GNAO1: variants seen among roughly 807,000 people sequenced by gnomAD.
GNAO1 encodes guanine nucleotide-binding protein G(o) subunit alpha.
For missense variants in GNAO1, 166 were observed against 478.7 expected, an observed-to-expected ratio of 0.35 and a Z score of 6.10; for synonymous variants, 164 against 180.7, an observed-to-expected ratio of 0.91 and a Z score of 0.74.
chr16:56,337,162 G>A (rs1321086987), intron 6 of GNAO1, among the ~76,000 whole-genome samples: 2 of 152,262 alleles, frequency 1.3e-5, no homozygotes, highest in Non-Finnish European at 2.9e-5. Context: ...TCAGGCCATA[G>A]CAAATTTAAG....
chr16:56,319,524 G>A (rs760312660), intron 3 of GNAO1, among the ~76,000 whole-genome samples: 5 of 152,132 alleles, frequency 3.3e-5, no homozygotes, highest in Admixed American at 6.5e-5. Flanking sequence ...CTGGCTGACT[G>A]GAGAGAGCTT....
chr16:56,267,884 A>G (rs2036972894), intron 2 of GNAO1, among the ~76,000 whole-genome samples: 1 of 150,974 alleles, frequency 6.6e-6, no homozygotes, highest in Non-Finnish European at 1.5e-5. Flanking sequence ...TACAGAATAT[A>G]CCCCTGCCCC....
chr16:56,200,634 C>T (rs2036274678), intron 2 of GNAO1, among the ~76,000 whole-genome samples: 1 of 152,224 alleles, frequency 6.6e-6, no homozygotes, highest in Non-Finnish European at 1.5e-5. Context: ...TGTAACTCCA[C>T]ACCTTTCTTA....
intron 3 of GNAO1, among the ~76,000 whole-genome samples, chr16:56,298,480 A>G (rs776980537): frequency 6.6e-6 from 1 of 152,312 alleles, no homozygotes; most frequent in Admixed American, 6.5e-5. Flanking sequence ...ACACTCCGTC[A>G]TTTCTGTGTT....
At chr16:56,290,969 T>C (rs1452617917) in intron 3 of GNAO1, among the ~76,000 whole-genome samples, 1 of 152,250 alleles carries the variant, frequency 6.6e-6, no homozygotes, top group Non-Finnish European at 1.5e-5. Context: ...TGTAGCTGAA[T>C]CACATTTCAT....
rs2037924036 is a variant in GNAO1 at position 56,351,795 on chromosome 16, C to T, written c.877+258C>T. ...CAAGTGACTCAGGAGTGGTGGGGAG[C>T]AGGGGGCAGGACAGGATCACAGGCT... On this transcript the variant is annotated intron_variant, in intron 7 of 8. Coordinates refer to ENST00000262493, the MANE Select transcript of GNAO1 (RefSeq NM_020988.3). This position sits in a 1 kb window ranked among gnomAD's most constrained non-coding sequence, Gnocchi z 6.1. The T allele has an allele frequency of 2.2e-6, 1 of 446,760 alleles. No homozygotes were observed. The allele number at this position is 446,760 out of a possible 1,614,324, so 27.7% of individuals were successfully genotyped here. A position where few individuals can be genotyped will look rare whatever the true frequency, so the allele number is the denominator to read the frequency against.
At chr16:56,331,232 C>T (rs2037685325) in intron 4 of GNAO1, among the ~76,000 whole-genome samples, 2 of 152,162 alleles carry the variant, frequency 1.3e-5, no homozygotes, top group African/African-American at 4.8e-5. Flanking sequence ...CTTGGTGCAC[C>T]CCGGCCTCTG....
At chr16:56,281,324 T>C (rs1287056082) in intron 3 of GNAO1, among the ~76,000 whole-genome samples, 1 of 152,174 alleles carries the variant, frequency 6.6e-6, no homozygotes, top group Non-Finnish European at 1.5e-5. Context: ...CTCCCCCTGC[T>C]GTTCTCAAAC....
intron 4 of GNAO1, among the ~76,000 whole-genome samples, chr16:56,334,303 G>T (rs569110121): frequency 3.9e-5 from 6 of 152,320 alleles, no homozygotes; most frequent in Non-Finnish European, 8.8e-5. Context: ...CCTCAGGCAA[G>T]GTACTTACCT....
At chr16:56,243,655 A>AG (rs1490397581) in intron 2 of GNAO1, among the ~76,000 whole-genome samples, 1 of 151,898 alleles carries the variant, frequency 6.6e-6, no homozygotes, top group Non-Finnish European at 1.5e-5. Flanking sequence ...CCAGGAGGGT[A>AG]GGGGGTGACA....
At chr16:56,286,062 G>C (rs2037163665) in intron 3 of GNAO1, among the ~76,000 whole-genome samples, 1 of 152,236 alleles carries the variant, frequency 6.6e-6, no homozygotes, top group Admixed American at 6.5e-5. Context: ...GGGGAAGGCT[G>C]TGTGGGGTGG....
At chr16:56,295,541 A>G (rs1378006766) in intron 3 of GNAO1, among the ~76,000 whole-genome samples, 2 of 152,156 alleles carry the variant, frequency 1.3e-5, no homozygotes, top group African/African-American at 4.8e-5. Context: ...TGCACAAAGC[A>G]GGCTTCTTCT....
chr16:56,273,823 A>G (rs1426909402), intron 2 of GNAO1, among the ~76,000 whole-genome samples: 2 of 151,814 alleles, frequency 1.3e-5, no homozygotes, highest in African/African-American at 4.8e-5. Flanking sequence ...TTCAACAAGG[A>G]CTCTTCACTC....
rs540355007 is a variant in GNAO1 at position 56,215,002 on chromosome 16, A to G, written c.161+22386A>G. 2.6e-5 allele frequency among the ~76,000 whole-genome samples: 4 copies of G among 152,270 alleles called. No homozygotes were observed. The South Asian group carries it at 8.3e-4, about 32-fold the overall frequency. On this transcript the variant is annotated intron_variant, in intron 2 of 8. Transcript: ENST00000262493. ...ATTGGCTTGGCTTGGAGGACATACC[A>G]TGGTGTAGTGCACCACACTGATCCT...
intron 2 of GNAO1, among the ~76,000 whole-genome samples, chr16:56,229,088 T>TGGA (rs1233498664): frequency 6.6e-6 from 1 of 152,212 alleles, no homozygotes; most frequent in Non-Finnish European, 1.5e-5. Context: ...ACTTTTGTAA[T>TGGA]GGAGGAGAAA....
intron 2 of GNAO1, among the ~76,000 whole-genome samples, chr16:56,206,984 A>G (rs1050531717): frequency 6.6e-6 from 1 of 152,242 alleles, no homozygotes; most frequent in African/African-American, 2.4e-5. Flanking sequence ...CAGTGTGGAT[A>G]GAAACCATCT....
intron 2 of GNAO1, among the ~76,000 whole-genome samples, chr16:56,247,653 G>T (rs1253806824): frequency 1.3e-5 from 2 of 152,126 alleles, no homozygotes; most frequent in African/African-American, 4.8e-5. Context: ...CTCCCCTAAA[G>T]CTCACCTCAC....
At chr16:56,213,032 A>T (rs2036405166) in intron 2 of GNAO1, among the ~76,000 whole-genome samples, 1 of 152,236 alleles carries the variant, frequency 6.6e-6, no homozygotes, top group Non-Finnish European at 1.5e-5. Context: ...GGTGGCCAGC[A>T]CCACGGACAT....
chr16:56,279,719 G>A (rs1450072300), intron 3 of GNAO1, among the ~76,000 whole-genome samples: 2 of 152,166 alleles, frequency 1.3e-5, no homozygotes, highest in African/African-American at 4.8e-5. Context: ...AGAGCAGTGG[G>A]CCCTAAAGTG....
Sources: gnomAD v4.1 joint callset for allele counts (sites outside exome capture counted in the v4.1 genomes callset) on GRCh38, gnomAD v4.1.1 for gene constraint, Gnocchi (gnomAD v3.1) non-coding constraint, MANE v1.5 for transcripts, NCBI Gene and HGNC (gene_info 2026-07-23, HGNC 2026-07-21) for gene names.